PKD2L2: variants seen among roughly 807,000 people sequenced by gnomAD.
PKD2L2 encodes polycystin 2 like 2, transient receptor potential cation channel.
A neutral mutation model predicts 83.9 loss-of-function variants in PKD2L2; 67 were observed. That is an observed-to-expected ratio of 0.80 (90% CI 0.66 to 0.98). The LOEUF is 0.98. Ranked by LOEUF, PKD2L2 falls within the 50% of genes least tolerant of loss-of-function variation. PKD2L2 has a pLI of 0.00. For synonymous variants in PKD2L2, 223 were observed against 237.8 expected, an observed-to-expected ratio of 0.94 and a Z score of 0.57; for missense variants, 632 against 717.2, an observed-to-expected ratio of 0.88 and a Z score of 1.36.
intron 12 of PKD2L2, among the ~76,000 whole-genome samples, chr5:137,926,954 CAAGAT>C (rs1759428781): frequency 6.6e-6 from 1 of 152,138 alleles, no homozygotes; most frequent in African/African-American, 2.4e-5. Flanking sequence ...GACAACTATA[CAAGAT>C]GAGTCTGGAA....
chr5:137,904,979 C>A (rs988625870), intron 5 of PKD2L2, among the ~76,000 whole-genome samples: 1 of 152,174 alleles, frequency 6.6e-6, no homozygotes, highest in African/African-American at 2.4e-5. Flanking sequence ...TTTTAAAGTT[C>A]TCTCAGAAAA....
intron 7 of PKD2L2, among the ~76,000 whole-genome samples, chr5:137,908,426 A>G (rs539815292): frequency 6.6e-6 from 1 of 152,210 alleles, no homozygotes; most frequent in South Asian, 2.1e-4. Context: ...TGTCTCTACT[A>G]AAAATACAAA....
At chr5:137,936,548 C>T (rs1265889368) in intron 14 of PKD2L2, 121 bp downstream of exon 14, 8 of 641,494 alleles carry the variant, frequency 1.2e-5, no homozygotes, top group African/African-American at 7.4e-5. Flanking sequence ...CTCCACCTCC[C>T]GGGTTCAAGC....
intron 5 of PKD2L2, among the ~76,000 whole-genome samples, chr5:137,904,047 C>T (rs900574003): frequency 5.9e-5 from 9 of 152,138 alleles, no homozygotes; most frequent in Non-Finnish European, 4.4e-5. Context: ...TGAGCCACCC[C>T]GCCCAGCCTA....
chr5:137,907,621 C>A, intron 6 of PKD2L2, 121 bp from the exon 7 acceptor site: 1 of 487,966 alleles, frequency 2.0e-6, no homozygotes, highest in Non-Finnish European at 3.6e-6. Flanking sequence ...AGCATATGTC[C>A]TATCTTTCCT....
chr5:137,899,855 G>T (rs1756804620), intron 5 of PKD2L2, 118 bp downstream of exon 5: 2 of 495,868 alleles, frequency 4.0e-6, no homozygotes, highest in South Asian at 8.3e-5. Context: ...ACTTAGATAT[G>T]GATTTTTTTC....
intron 6 of PKD2L2, 56 bp from the exon 7 acceptor site, chr5:137,907,686 A>G: frequency 9.6e-7 from 1 of 1,042,276 alleles, no homozygotes; most frequent in South Asian, 2.8e-5. Flanking sequence ...ATAGGCTGTA[A>G]GATATTTAGA....
chr5:137,928,963 T>C (rs1209900480), intron 12 of PKD2L2, among the ~76,000 whole-genome samples: 3 of 152,226 alleles, frequency 2.0e-5, no homozygotes, highest in Non-Finnish European at 2.9e-5. Flanking sequence ...CAAAGTTTAA[T>C]TGACATTTTT....
chr5:137,940,404 C>A, intron 14 of PKD2L2: 1 of 1,302,132 alleles, frequency 7.7e-7, no homozygotes, highest in Non-Finnish European at 1.1e-6. Context: ...AAAAAAGATC[C>A]AAAAGTTGTC....
At chr5:137,903,564 A>G (rs1323771801) in intron 5 of PKD2L2, among the ~76,000 whole-genome samples, 1 of 152,238 alleles carries the variant, frequency 6.6e-6, no homozygotes, top group African/African-American at 2.4e-5. Context: ...ATCTGATTAC[A>G]GGAGGAAATT....
chr5:137,905,244 T>G (rs1194186527), intron 5 of PKD2L2, among the ~76,000 whole-genome samples: 1 of 152,204 alleles, frequency 6.6e-6, no homozygotes, highest in African/African-American at 2.4e-5. Flanking sequence ...AACTGGCGTA[T>G]CTAATCAGTA....
rs1757485415 is a variant in PKD2L2 at position 137,907,804 on chromosome 5, A to C, written c.1038A>C (p.Gly346=). 1 of 1,589,446 alleles carries C rather than the reference A, an allele frequency of 6.3e-7. No homozygotes were observed. Among genetic ancestry groups the C allele is most frequent in the African/African-American group, 1.3e-5 (1 of 74,440 alleles). ...ATGTACAAATTTTTCTCTTACTTGG[A>C]CAGCTGTTGAAAAGTACTGAAAAAT... The part of the protein sequence containing the change: ...YYNVQIFLLL[G]QLLKSTEKYS... The change falls in exon 7 of 15, where the codon GGA becomes GGC. Residue 346 remains glycine, a synonymous_variant. Transcript: ENST00000508883.
At chr5:137,916,700 G>A (rs138493776) in intron 8 of PKD2L2, among the ~76,000 whole-genome samples, 7 of 151,790 alleles carry the variant, frequency 4.6e-5, no homozygotes, top group South Asian at 2.1e-4. Context: ...GGCTGGTCTC[G>A]AATTCCTAAC....
intron 13 of PKD2L2, 63 bp downstream of exon 13, chr5:137,935,972 T>G: frequency 1.1e-6 from 1 of 900,140 alleles, no homozygotes; most frequent in South Asian, 1.5e-5. Flanking sequence ...AGGACATGAG[T>G]TAAACACATT....
intron 1 of PKD2L2, 105 bp downstream of exon 1, chr5:137,889,627 C>A: frequency 1.0e-6 from 1 of 977,776 alleles, no homozygotes; most frequent in Non-Finnish European, 1.5e-6. Context: ...GATGTGACTG[C>A]CGACACCTTT....
At chr5:137,917,218 G>A (rs1758454466) in intron 8 of PKD2L2, among the ~76,000 whole-genome samples, 1 of 142,390 alleles carries the variant, frequency 7.0e-6, no homozygotes, top group African/African-American at 2.6e-5. Flanking sequence ...AGGCTGGAGT[G>A]CAGTGGTGGG....
At chr5:137,929,364 G>C (rs1461174076) in intron 12 of PKD2L2, among the ~76,000 whole-genome samples, 2 of 151,686 alleles carry the variant, frequency 1.3e-5, no homozygotes, top group African/African-American at 4.8e-5. Context: ...GGGAGGCTGA[G>C]GCAGGAGAAC....
intron 8 of PKD2L2, among the ~76,000 whole-genome samples, chr5:137,920,631 C>T (rs1159738620): frequency 6.6e-6 from 1 of 152,052 alleles, no homozygotes; most frequent in African/African-American, 2.4e-5. Context: ...GTGGCACACG[C>T]CTGTAGTCCC....
At chr5:137,934,123 C>T (rs1760108891) in intron 12 of PKD2L2, among the ~76,000 whole-genome samples, 1 of 152,064 alleles carries the variant, frequency 6.6e-6, no homozygotes, top group Non-Finnish European at 1.5e-5. Flanking sequence ...CCAATATGAA[C>T]ATGAAGATCA....
Sources: gnomAD v4.1 joint callset for allele counts (sites outside exome capture counted in the v4.1 genomes callset) on GRCh38, gnomAD v4.1.1 for gene constraint, MANE v1.5 for transcripts, NCBI Gene and HGNC (gene_info 2026-07-23, HGNC 2026-07-21) for gene names.